Variants in CYB5D2 observed in about 807,000 individuals in gnomAD.
CYB5D2 encodes neuferricin.
In CYB5D2, 23 loss-of-function variants were observed where a neutral mutation model predicts 22.8. The observed-to-expected ratio is 1.01, with a 90% CI of 0.73 to 1.43. The LOEUF (loss-of-function observed/expected upper bound fraction) is 1.43. Ranked by LOEUF, CYB5D2 falls within the 40% of genes most tolerant of loss-of-function variation. The pLI, the probability that CYB5D2 is intolerant of heterozygous loss-of-function variation, is 0.00. For missense variants in CYB5D2, 373 were observed against 357.2 expected, an observed-to-expected ratio of 1.04 and a Z score of -0.36; for synonymous variants, 170 against 152.2, an observed-to-expected ratio of 1.12 and a Z score of -0.86.
chr17:4,144,032 C>T (rs752423749), intron 1 of CYB5D2, 27 bp downstream of exon 1: 11 of 1,559,700 alleles, frequency 7.1e-6, no homozygotes, highest in South Asian at 4.7e-5. Flanking sequence ...TCACGCCTTT[C>T]TCTCCGCTGG....
chr17:4,155,280 G>C (rs2059102336), intron 3 of CYB5D2, among the ~76,000 whole-genome samples: 1 of 152,086 alleles, frequency 6.6e-6, no homozygotes, highest in South Asian at 2.1e-4. Flanking sequence ...CGAGGAGGTG[G>C]GGAGGGTACC....
At chr17:4,151,450 C>T (rs764632934) in intron 2 of CYB5D2, among the ~76,000 whole-genome samples, 4 of 151,930 alleles carry the variant, frequency 2.6e-5, no homozygotes, top group East Asian at 1.9e-4. Flanking sequence ...TTTGGGAGGC[C>T]GAGGTGGGCG....
At chr17:4,146,696 G>T (rs1277207086) in intron 1 of CYB5D2, among the ~76,000 whole-genome samples, 40 of 149,016 alleles carry the variant, frequency 2.7e-4, no homozygotes, top group African/African-American at 8.2e-4. Context: ...GGCCCGGTGG[G>T]TTTTTTTTTT....
chr17:4,149,272 G>T (rs8067594), intron 1 of CYB5D2, among the ~76,000 whole-genome samples: 11,108 of 152,256 alleles, frequency 0.073, 495 homozygotes, highest in South Asian at 0.15. Context: ...AAGTGTGAGG[G>T]TGTGGACAGT....
At position 4,144,285 on chromosome 17, in the gene CYB5D2, G is replaced by A. The variant is rs551296101; in HGVS notation, c.250+280G>A. On this transcript the variant is annotated intron_variant, in intron 1 of 3. Transcript: ENST00000301391. The stretch of plus-strand genomic sequence containing the variant: ...TGTTACCCATTACCCAGCGTCGGAA[G>A]CCCTAGGATACGGGCTGTGTGCCGG... Among the ~76,000 whole-genome samples the A allele has an allele frequency of 2.0e-5, 3 of 151,992 alleles. No homozygotes were observed. In the East Asian group the frequency reaches 5.8e-4, roughly 29 times the overall value.
intron 3 of CYB5D2, among the ~76,000 whole-genome samples, chr17:4,156,656 G>A (rs1192143627): frequency 6.6e-6 from 1 of 152,216 alleles, no homozygotes; most frequent in African/African-American, 2.4e-5. Context: ...CTTGGCCTGG[G>A]GAAGGTGGTG....
intron 1 of CYB5D2, among the ~76,000 whole-genome samples, chr17:4,147,564 G>C (rs540839095): frequency 5.9e-5 from 9 of 152,138 alleles, no homozygotes; most frequent in Non-Finnish European, 1.3e-4. Flanking sequence ...AATAAAGAAC[G>C]TGGCAGTGGC....
Position 4,157,160 on chromosome 17 carries a change from G to A in CYB5D2, c.*78G>A. The A allele has an allele frequency of 6.7e-7, 1 of 1,502,722 alleles. No homozygotes were observed. Among genetic ancestry groups the A allele is most frequent in the South Asian group, 1.2e-5 (1 of 84,184 alleles). The allele number at this position is 1,502,722 out of a possible 1,614,324, so 93.1% of individuals were successfully genotyped here. On this transcript the variant is annotated 3_prime_UTR_variant, in exon 4 of 4. Transcript: ENST00000301391. This position sits in a 1 kb window ranked among gnomAD's most constrained non-coding sequence, Gnocchi z 4.4. ...TAGGCCCTTGACACTTGTGTGCCCT[G>A]GGATGCCTCCTGGCGCGAATCAGGA...
rs1232668852 is a variant in CYB5D2 at position 4,151,699 on chromosome 17, AAAAAAG to A, written c.391+1677_391+1682del. Among the ~76,000 whole-genome samples the A allele has an allele frequency of 1.7e-4, 26 of 151,798 alleles. No individual in the cohort carries two copies. In the East Asian group the frequency reaches 3.9e-3, roughly 23 times the overall value. ...GAGACTCTGTCTCAAAAAAAAAGAA[AAAAAAG>A]AAAAAGAATAAGAATGGAGTCCAGA... is the stretch of plus-strand genomic sequence containing the variant. On this transcript the variant is annotated intron_variant, in intron 2 of 3. Coordinates refer to ENST00000301391, the MANE Select transcript of CYB5D2 (RefSeq NM_144611.4).
In CYB5D2 at chr17:4,143,688, G is replaced by A. The variant is rs189904473; in HGVS notation, c.-68G>A. ...GCGCGCCGATGACGTCACGCTCGGC[G>A]TCTCGGCCATCTTAGCTGTAGATAG... On this transcript the variant is annotated 5_prime_UTR_variant, in exon 1 of 4. Coordinates refer to ENST00000301391, the MANE Select transcript of CYB5D2 (RefSeq NM_144611.4). The A allele has an allele frequency of 1.3e-6, 2 of 1,526,304 alleles. No homozygotes were observed. The highest frequency in any genetic ancestry group is 1.8e-6 in the Non-Finnish European group (2 of 1,136,868). 94.5% of individuals were successfully genotyped at this position (1,526,304 alleles called of 1,614,324 possible).
chr17:4,143,705 T>G lies in CYB5D2; in HGVS notation c.-51T>G, dbSNP rs369242670. 9.0e-6 allele frequency: 14 copies of G among 1,562,080 alleles called. No homozygotes were observed. The highest frequency in any genetic ancestry group is 1.2e-5 in the Non-Finnish European group (14 of 1,151,810). On this transcript the variant is annotated 5_prime_UTR_variant, in exon 1 of 4. Coordinates refer to ENST00000301391, the MANE Select transcript of CYB5D2 (RefSeq NM_144611.4). ...CGCTCGGCGTCTCGGCCATCTTAGC[T>G]GTAGATAGAGGCGGCAACCTCGGAA...
chr17:4,145,017 A>C (rs933661597), intron 1 of CYB5D2, among the ~76,000 whole-genome samples: 1 of 151,908 alleles, frequency 6.6e-6, no homozygotes. Flanking sequence ...CGATCTCCTG[A>C]CCTTATGATC....
At chr17:4,148,817 C>G (rs937447642) in intron 1 of CYB5D2, among the ~76,000 whole-genome samples, 1 of 152,062 alleles carries the variant, frequency 6.6e-6, no homozygotes, top group Non-Finnish European at 1.5e-5. Context: ...AGCAAAATTC[C>G]GTCTCATGCA....
chr17:4,152,580 G>A (rs1245636674), intron 2 of CYB5D2, among the ~76,000 whole-genome samples: 2 of 152,060 alleles, frequency 1.3e-5, no homozygotes, highest in Non-Finnish European at 2.9e-5. Context: ...TGCTACTACT[G>A]TCCTCTCTTT....
chr17:4,156,916 CA>C lies in CYB5D2; in HGVS notation c.630del (p.Gly211ValfsTer10). The stretch of plus-strand genomic sequence containing the variant: ...GGCGTCCCCAGGAAGCTGTATAAGC[CA>C]GGTGCTAAGGAGCCCCGCTGCGTGT... Reference protein sequence around the residue: ...WIGVPRKLYKPGAKEPRCVCV... With the variant: ...WIGVPRKLYKXGAKEPRCVCV... On this transcript the variant is annotated frameshift_variant, in exon 4 of 4. Transcript: ENST00000301391. LOFTEE classifies it high-confidence loss of function. The C allele has an allele frequency of 6.2e-7, 1 of 1,612,798 alleles. No homozygotes were observed. The highest frequency in any genetic ancestry group is 8.5e-7 in the Non-Finnish European group (1 of 1,180,022).
intron 2 of CYB5D2, among the ~76,000 whole-genome samples, chr17:4,151,816 C>A (rs958978928): frequency 2.0e-5 from 3 of 152,006 alleles, no homozygotes; most frequent in Admixed American, 1.3e-4. Flanking sequence ...ACCAGCCTGA[C>A]CAACATGGCA....
At chr17:4,153,958 A>G (rs970257874) in intron 2 of CYB5D2, among the ~76,000 whole-genome samples, 15 of 152,174 alleles carry the variant, frequency 9.9e-5, no homozygotes, top group African/African-American at 3.6e-4. Flanking sequence ...CTTCGGTCGC[A>G]CCTCCCTCAA....
chr17:4,145,681 C>T (rs1246941254), intron 1 of CYB5D2, among the ~76,000 whole-genome samples: 3 of 152,212 alleles, frequency 2.0e-5, no homozygotes, highest in African/African-American at 4.8e-5. Context: ...TGCTCCCCAC[C>T]GCCCACACAG....
intron 2 of CYB5D2, among the ~76,000 whole-genome samples, chr17:4,152,101 G>A (rs945184615): frequency 5.9e-5 from 9 of 152,112 alleles, no homozygotes; most frequent in African/African-American, 1.7e-4. Flanking sequence ...GGAAGTGTTC[G>A]GATGCGTTTG....
Sources: allele counts gnomAD v4.1 joint callset (sites outside exome capture counted in the v4.1 genomes callset), GRCh38; gene constraint gnomAD v4.1.1; non-coding constraint Gnocchi (gnomAD v3.1); transcripts MANE v1.5; gene names NCBI Gene and HGNC (gene_info 2026-07-23, HGNC 2026-07-21).